The following SWT1 variants were observed in gnomAD, a reference collection of about 807,000 sequenced individuals.
SWT1 encodes transcriptional protein SWT1.
SWT1 carries 33 observed loss-of-function variants against 107.3 expected under a neutral mutation model. That is an observed-to-expected ratio of 0.31 (90% CI 0.23 to 0.41). The LOEUF (loss-of-function observed/expected upper bound fraction) is 0.41, where lower values mean the gene tolerates loss of function less well. Among genes scored for constraint, SWT1 ranks in the 10% least tolerant of loss-of-function variants. SWT1 has a pLI of 1.00. For synonymous variants in SWT1, 345 were observed against 348.3 expected, an observed-to-expected ratio of 0.99 and a Z score of 0.11; for missense variants, 898 against 1,028.9, an observed-to-expected ratio of 0.87 and a Z score of 1.74.
At chr1:185,225,837 G>T (rs572459393) in intron 15 of SWT1, among the ~76,000 whole-genome samples, 17 of 152,194 alleles carry the variant, frequency 1.1e-4, no homozygotes, top group African/African-American at 3.9e-4. Flanking sequence ...GTAAGATTTT[G>T]TTAAAAGAAG....
intron 4 of SWT1, among the ~76,000 whole-genome samples, chr1:185,171,069 C>G (rs1394741755): frequency 6.6e-6 from 1 of 152,182 alleles, no homozygotes; most frequent in Non-Finnish European, 1.5e-5. Flanking sequence ...TCTCCCCACC[C>G]TCATCTACCT....
intron 9 of SWT1, among the ~76,000 whole-genome samples, chr1:185,188,712 T>A (rs930656859): frequency 6.6e-6 from 1 of 152,202 alleles, no homozygotes; most frequent in African/African-American, 2.4e-5. Flanking sequence ...GGCCAGAAGT[T>A]GAGAGAAAAA....
chr1:185,228,197 A>G (rs1660236743), intron 15 of SWT1, among the ~76,000 whole-genome samples: 1 of 109,748 alleles, frequency 9.1e-6, no homozygotes, highest in Non-Finnish European at 1.9e-5. Context: ...ATACATATAT[A>G]TATACTCAGT....
intron 14 of SWT1, among the ~76,000 whole-genome samples, chr1:185,218,177 T>C (rs979717166): frequency 2.6e-5 from 4 of 152,234 alleles, no homozygotes; most frequent in African/African-American, 4.8e-5. Flanking sequence ...TCCAAAGATA[T>C]GGTATCTCCT....
At chr1:185,288,497 G>A (rs1238581910) in intron 18 of SWT1, among the ~76,000 whole-genome samples, 1 of 152,034 alleles carries the variant, frequency 6.6e-6, no homozygotes, top group Non-Finnish European at 1.5e-5. Context: ...CCTGTCCCGA[G>A]TTCTGATTGT....
rs2102469749 is a variant in SWT1, at chr1:185,206,906, G to A, written c.1972+143G>A. 4 of 596,346 alleles carry A rather than the reference G, an allele frequency of 6.7e-6. No homozygotes were observed. In the East Asian group the frequency reaches 1.3e-4, roughly 19 times the overall value. The allele number at this position is 596,346 out of a possible 1,614,324, so 36.9% of individuals were successfully genotyped here. ...ATACTTCTAATTTATAAAGGTATTT[G>A]TGGAAACTGGATGAACAGATGCAGC... is the stretch of plus-strand genomic sequence containing the variant. On this transcript the variant is annotated intron_variant, in intron 13 of 18. Coordinates refer to ENST00000367500, the MANE Select transcript of SWT1 (RefSeq NM_017673.7).
chr1:185,221,762 G>T, intron 14 of SWT1, 87 bp from the exon 15 acceptor site: 1 of 893,782 alleles, frequency 1.1e-6, no homozygotes, highest in South Asian at 2.4e-5. Context: ...CAGAAAGCTA[G>T]AACATTTGTA....
chr1:185,158,255 A>G (rs1653807619), intron 1 of SWT1, among the ~76,000 whole-genome samples: 1 of 152,066 alleles, frequency 6.6e-6, no homozygotes, highest in African/African-American at 2.4e-5. Context: ...GTTAAGAAGT[A>G]TATATCTGGA....
At chr1:185,287,195 T>C (rs1455637411) in intron 18 of SWT1, among the ~76,000 whole-genome samples, 3 of 152,204 alleles carry the variant, frequency 2.0e-5, no homozygotes, top group Non-Finnish European at 2.9e-5. Context: ...TTTGACCAAA[T>C]TGGTTATGCG....
chr1:185,240,567 C>T (rs980543841), intron 16 of SWT1, among the ~76,000 whole-genome samples: 1 of 151,966 alleles, frequency 6.6e-6, no homozygotes, highest in African/African-American at 2.4e-5. Flanking sequence ...GACTGCTAAC[C>T]GTTGTGTTTG....
At chr1:185,199,783 G>A (rs1236103576) in intron 10 of SWT1, among the ~76,000 whole-genome samples, 1 of 152,174 alleles carries the variant, frequency 6.6e-6, no homozygotes, top group Admixed American at 6.5e-5. Context: ...GAATTTGAAT[G>A]TTGGCCTGTC....
In SWT1 at chr1:185,212,003, C is replaced by A. The variant is rs573550101; in HGVS notation, c.1973-2504C>A. On this transcript the variant is annotated intron_variant, in intron 13 of 18. Transcript: ENST00000367500. Reference sequence around the variant, plus strand: ...TTCTCACTCATAGGTGGGAATTGAACAATGAGAACACGTGGACACAGGAAG... The same window carrying A: ...TTCTCACTCATAGGTGGGAATTGAAAAATGAGAACACGTGGACACAGGAAG... Among the ~76,000 whole-genome samples, 3 of 150,804 alleles carry A rather than the reference C, an allele frequency of 2.0e-5. No homozygotes were observed. The East Asian group carries it at 5.9e-4, about 30-fold the overall frequency.
chr1:185,184,186 T>C, intron 7 of SWT1, 57 bp from the exon 8 acceptor site: 1 of 840,318 alleles, frequency 1.2e-6, no homozygotes, highest in Non-Finnish European at 1.9e-6. Flanking sequence ...ATCAAAATTT[T>C]AGTCATTATA....
At position 185,271,245 on chromosome 1, in the gene SWT1, G is replaced by A. The variant is rs1255450182; in HGVS notation, c.2442-78G>A. ...AAGTTACCTCTTGTGGTATGGGTAT[G>A]TTTTGGGAGAAAGTTCAAGGTATTG... is the stretch of plus-strand genomic sequence containing the variant. On this transcript the variant is annotated intron_variant, in intron 16 of 18. Transcript: ENST00000367500. 6.6e-6 allele frequency: 5 copies of A among 762,792 alleles called. No individual in the cohort carries two copies. In the African/African-American group the frequency reaches 8.7e-5, roughly 13 times the overall value. 47.3% of individuals were successfully genotyped at this position (762,792 alleles called of 1,614,324 possible). A position where few individuals can be genotyped will look rare whatever the true frequency, so the allele number is the denominator to read the frequency against.
intron 3 of SWT1, 65 bp downstream of exon 3, chr1:185,166,717 G>T: frequency 9.4e-7 from 1 of 1,060,558 alleles, no homozygotes; most frequent in Non-Finnish European, 1.4e-6. Context: ...CAGTGTTTGT[G>T]ATATAAATTC....
intron 16 of SWT1, 104 bp downstream of exon 16, chr1:185,231,812 C>A (rs1216217143): frequency 1.3e-6 from 1 of 776,914 alleles, no homozygotes; most frequent in Non-Finnish European, 2.0e-6. Context: ...TAGAATAGAC[C>A]GTGGCACTTT....
chr1:185,236,691 A>G (rs1660904025), intron 16 of SWT1, among the ~76,000 whole-genome samples: 2 of 152,336 alleles, frequency 1.3e-5, no homozygotes, highest in South Asian at 4.1e-4. Context: ...ACCCAAAGCA[A>G]TGGCAACAAA....
chr1:185,275,712 A>C (rs1353809340), intron 17 of SWT1, among the ~76,000 whole-genome samples: 3 of 151,982 alleles, frequency 2.0e-5, no homozygotes, highest in Non-Finnish European at 4.4e-5. Context: ...TTAAACTTAC[A>C]GTGAATGAAA....
Position 185,163,014 on chromosome 1 carries a change from G to C in SWT1, c.84+2089G>C, listed in dbSNP as rs183070098. 3.9e-5 allele frequency among the ~76,000 whole-genome samples: 6 copies of C among 152,192 alleles called. No homozygotes were observed. In the East Asian group the frequency reaches 1.2e-3, roughly 30 times the overall value. On this transcript the variant is annotated intron_variant, in intron 2 of 18. Transcript: ENST00000367500. Reference sequence around the variant, plus strand: ...ACTTCATTGCTAAAAAAATGCTAAAGATCATTTGAGTCTTCAGAGAGTCAT... The same window carrying C: ...ACTTCATTGCTAAAAAAATGCTAAACATCATTTGAGTCTTCAGAGAGTCAT...
Sources: allele counts gnomAD v4.1 joint callset (sites outside exome capture counted in the v4.1 genomes callset), GRCh38; gene constraint gnomAD v4.1.1; transcripts MANE v1.5; gene names NCBI Gene and HGNC (gene_info 2026-07-23, HGNC 2026-07-21).